FGD5: variants seen among roughly 807,000 people sequenced by gnomAD.
The protein encoded by FGD5 is FYVE, RhoGEF and PH domain containing 5.
A neutral mutation model predicts 133.4 loss-of-function variants in FGD5; 28 were observed. The ratio of observed to expected loss-of-function variants is 0.21; its 90% confidence interval spans 0.16 to 0.29. The LOEUF (loss-of-function observed/expected upper bound fraction) is 0.29, where lower values mean the gene tolerates loss of function less well. Ranked by LOEUF, FGD5 falls within the 10% of genes least tolerant of loss-of-function variation. The pLI is 1.00. For synonymous variants in FGD5, 810 were observed against 776.5 expected (o/e 1.04, Z -0.72); for missense variants, 1,858 against 1,895.2 (o/e 0.98, Z 0.36).
At chr3:14,865,988 A>T (rs1228844852) in intron 2 of FGD5, among the ~76,000 whole-genome samples, 2 of 152,130 alleles carry the variant, frequency 1.3e-5, no homozygotes, top group Non-Finnish European at 2.9e-5. Context: ...GCCATCAGAG[A>T]TTTGGTCCCC....
intron 11 of FGD5, among the ~76,000 whole-genome samples, chr3:14,911,888 C>G (rs1370294526): frequency 6.6e-6 from 1 of 151,216 alleles, no homozygotes; most frequent in Non-Finnish European, 1.5e-5. Context: ...GCTGGGTGCG[C>G]ACACTGTGCT....
chr3:14,812,310 AG>A (rs1326449735), intron 1 of FGD5, among the ~76,000 whole-genome samples: 3 of 152,196 alleles, frequency 2.0e-5, no homozygotes, highest in African/African-American at 4.8e-5. Context: ...CTGCTTGGAA[AG>A]GGGGTTGCCT....
intron 1 of FGD5, among the ~76,000 whole-genome samples, chr3:14,844,154 G>A (rs1391507694): frequency 4.5e-5 from 6 of 134,400 alleles, no homozygotes; most frequent in African/African-American, 1.4e-4. Flanking sequence ...ATTTGAACCT[G>A]AATGTCCTGA....
chr3:14,933,689 T>G lies in FGD5; in HGVS notation c.*522T>G, dbSNP rs984262853. ...GTGTTTTCTAAGTGATTTACTTAAG[T>G]CAATAACAGATGGAATCCTGTGGAC... On this transcript the variant is annotated 3_prime_UTR_variant, in exon 20 of 20. Transcript: ENST00000285046. 6.2e-6 allele frequency: 1 copy of G among 160,662 alleles called. No individual in the cohort carries two copies. The highest frequency in any genetic ancestry group is 1.4e-5 in the Non-Finnish European group (1 of 72,556). 10.0% of individuals were successfully genotyped at this position (160,662 alleles called of 1,614,324 possible). A position where few individuals can be genotyped will look rare whatever the true frequency, so the allele number is the denominator to read the frequency against.
chr3:14,932,679 A>C lies in FGD5; in HGVS notation c.4300A>C (p.Lys1434Gln). Reference sequence around the variant, plus strand: ...AGGACCTATTTTTCACCTTTACCACAAGAAAACCCTATTTTATAGCTTCAA... The same window carrying C: ...AGGACCTATTTTTCACCTTTACCACCAGAAAACCCTATTTTATAGCTTCAA... ...EVGPIFHLYHKKTLFYSFKAE... is the reference protein window; with the variant it reads ...EVGPIFHLYHQKTLFYSFKAE... Residue 1434 changes from lysine to glutamine, a missense_variant, in exon 19 of 20, where the codon AAG becomes CAG. By Grantham distance (53) the Lys-to-Gln change is moderately conservative. This residue lies in a region of FGD5 where 1,824 missense variants were observed against 1,848.9 expected (regional missense o/e 0.99). Coordinates refer to ENST00000285046, the MANE Select transcript of FGD5 (RefSeq NM_152536.4). The C allele has an allele frequency of 6.2e-7, 1 of 1,614,026 alleles. No homozygotes were observed. The highest frequency in any genetic ancestry group is 8.5e-7 in the Non-Finnish European group (1 of 1,179,898).
chr3:14,815,395 C>A (rs1344668548), upstream of FGD5, among the ~76,000 whole-genome samples: 1 of 151,714 alleles, frequency 6.6e-6, no homozygotes, highest in Non-Finnish European at 1.5e-5. Context: ...TAGACTTTAT[C>A]ATCATCTAGC....
intron 1 of FGD5, among the ~76,000 whole-genome samples, chr3:14,840,472 C>T (rs561930903): frequency 7.2e-5 from 11 of 152,104 alleles, no homozygotes; most frequent in Admixed American, 7.2e-4. Flanking sequence ...CTCCCTCCCC[C>T]CAACCCTCTA....
At chr3:14,928,016 A>G (rs988248987) in intron 18 of FGD5, among the ~76,000 whole-genome samples, 1 of 149,850 alleles carries the variant, frequency 6.7e-6, no homozygotes, top group Non-Finnish European at 1.5e-5. Flanking sequence ...ATCTTGGCTC[A>G]CTGCAACCTC....
chr3:14,933,472 A>ATT lies in FGD5; in HGVS notation c.*305_*306insTT, dbSNP rs1439646787. The ATT allele has an allele frequency of 2.8e-6, 1 of 356,534 alleles. No individual in the cohort carries two copies. The highest frequency in any genetic ancestry group is 5.2e-6 in the Non-Finnish European group (1 of 193,134). 22.1% of individuals were successfully genotyped at this position (356,534 alleles called of 1,614,324 possible). A position where few individuals can be genotyped will look rare whatever the true frequency, so the allele number is the denominator to read the frequency against. ...AAAATTTAGTAAGATGAAGATGTGG[A>ATT]AACCAATGAAAAGTACATTTAGAAA... On this transcript the variant is annotated 3_prime_UTR_variant, in exon 20 of 20. Transcript: ENST00000285046.
intron 2 of FGD5, among the ~76,000 whole-genome samples, chr3:14,874,369 A>C (rs1005270985): frequency 2.6e-5 from 4 of 152,128 alleles, no homozygotes; most frequent in Non-Finnish European, 4.4e-5. Context: ...AAATAAAAAA[A>C]TTAGCTGGGT....
chr3:14,842,190 C>G (rs747533959), intron 1 of FGD5, among the ~76,000 whole-genome samples: 38 of 152,376 alleles, frequency 2.5e-4, no homozygotes, highest in Middle Eastern at 3.4e-3. Flanking sequence ...AAACCTCAGA[C>G]CTCAGGACCA....
At position 14,820,099 on chromosome 3, in the gene FGD5, C is replaced by T; in HGVS notation, c.1028C>T (p.Thr343Ile). 3 of 1,614,042 alleles carry T rather than the reference C, an allele frequency of 1.9e-6. No homozygotes were observed. Among genetic ancestry groups the T allele is most frequent in the Non-Finnish European group, 2.5e-6 (3 of 1,179,890 alleles). The part of the protein sequence containing the change: ...DCMEDFVTSL[T>I]GSPYEFFPTE... ...ATGGAGGACTTCGTGACTTCCCTCA[C>T]AGGAAGCCCCTATGAGTTCTTCCCA... The change falls in exon 1 of 20, where the codon ACA becomes ATA. Residue 343 changes from threonine (T) to isoleucine (I), a missense_variant. By Grantham distance (89) the Thr-to-Ile change is moderately conservative. Around this residue, in one of 3 missense-constraint regions of FGD5, gnomAD observed 1,824 missense variants for 1,848.9 expected, o/e 0.99. Transcript: ENST00000285046.
chr3:14,925,165 A>G (rs1444884342), intron 17 of FGD5, among the ~76,000 whole-genome samples: 1 of 151,826 alleles, frequency 6.6e-6, no homozygotes, highest in African/African-American at 2.4e-5. Flanking sequence ...AAAAAAGTAC[A>G]AAACAGCACA....
intron 18 of FGD5, among the ~76,000 whole-genome samples, chr3:14,928,232 C>A (rs2038846445): frequency 1.6e-5 from 2 of 126,566 alleles, no homozygotes; most frequent in South Asian, 6.4e-4. Flanking sequence ...AGCCACCACA[C>A]CTGGCCAATT....
chr3:14,917,148 A>C lies in FGD5; in HGVS notation c.3406-101A>C. ...ACCTGTGGGGGTTACTGAGGAATAC[A>C]AGATGCCTGTGCACAGCGGAGCTCA... is the stretch of plus-strand genomic sequence containing the variant. On this transcript the variant is annotated intron_variant, in intron 11 of 19. Coordinates refer to ENST00000285046, the MANE Select transcript of FGD5 (RefSeq NM_152536.4). This position sits in a 1 kb window ranked among gnomAD's most constrained non-coding sequence, Gnocchi z 4.1. 2 of 1,042,454 alleles carry C rather than the reference A, an allele frequency of 1.9e-6. No individual in the cohort carries two copies. The highest frequency in any genetic ancestry group is 2.8e-6 in the Non-Finnish European group (2 of 717,030). The allele number at this position is 1,042,454 out of a possible 1,614,324, so 64.6% of individuals were successfully genotyped here.
intron 7 of FGD5, among the ~76,000 whole-genome samples, chr3:14,899,061 C>T (rs577582641): frequency 4.1e-4 from 62 of 152,216 alleles, no homozygotes; most frequent in African/African-American, 1.5e-3. Flanking sequence ...CACAAAAACC[C>T]AACGACACCC....
At chr3:14,902,689 A>G (rs1575245281) in intron 9 of FGD5, among the ~76,000 whole-genome samples, 1 of 152,256 alleles carries the variant, frequency 6.6e-6, no homozygotes, top group South Asian at 2.1e-4. Flanking sequence ...CATCTTGTAC[A>G]TACAGTGAGA....
At chr3:14,874,548 C>T (rs751736840) in intron 2 of FGD5, among the ~76,000 whole-genome samples, 6 of 151,860 alleles carry the variant, frequency 4.0e-5, no homozygotes, top group Non-Finnish European at 7.4e-5. Context: ...TAGTGGTTGC[C>T]GGGGGTGGAG....
At chr3:14,932,483 G>C (rs1244809708) in intron 18 of FGD5, 94 bp from the exon 19 acceptor site, 2 of 1,424,680 alleles carry the variant, frequency 1.4e-6, no homozygotes, top group East Asian at 2.5e-5. Flanking sequence ...ACCCCACACA[G>C]AGGCACTCTT....
Sources: gnomAD v4.1 joint callset for allele counts (sites outside exome capture counted in the v4.1 genomes callset) on GRCh38, gnomAD v4.1.1 for gene constraint, gnomAD v4.1.1 regional missense constraint, Gnocchi (gnomAD v3.1) non-coding constraint, MANE v1.5 for transcripts, NCBI Gene and HGNC (gene_info 2026-07-23, HGNC 2026-07-21) for gene names.